Variants in ANK3 observed in about 807,000 individuals in gnomAD.
ANK3 encodes ankyrin 3, also known as ankyrin-3.
A neutral mutation model predicts 370.9 loss-of-function variants in ANK3; 57 were observed. That is an observed-to-expected ratio of 0.15 (90% CI 0.12 to 0.19). ANK3 has a LOEUF of 0.19. Ranked by LOEUF, ANK3 falls within the 10% of genes least tolerant of loss-of-function variation. ANK3 has a pLI of 1.00. For missense variants in ANK3, 4,439 were observed against 5,302.1 expected, an observed-to-expected ratio of 0.84 and a Z score of 5.06; for synonymous variants, 1,929 against 1,946.3, an observed-to-expected ratio of 0.99 and a Z score of 0.23.
chr10:60,297,729 T>A (rs1477224565), intron 1 of ANK3, among the ~76,000 whole-genome samples: 1 of 152,146 alleles, frequency 6.6e-6, no homozygotes, highest in Non-Finnish European at 1.5e-5. Context: ...TCCAAATTTA[T>A]AACCGACCTG....
At chr10:60,183,048 G>A (rs1437145442) in intron 17 of ANK3, among the ~76,000 whole-genome samples, 14 of 152,214 alleles carry the variant, frequency 9.2e-5, no homozygotes, top group Non-Finnish European at 1.8e-4. Flanking sequence ...GACTGAGAAT[G>A]TGTTGTGGGC....
At chr10:60,294,846 G>A (rs1040333967) in intron 1 of ANK3, among the ~76,000 whole-genome samples, 2 of 152,006 alleles carry the variant, frequency 1.3e-5, no homozygotes, top group Non-Finnish European at 2.9e-5. Flanking sequence ...CAACAAAAGG[G>A]CAAAATATAG....
At position 60,212,975 on chromosome 10, in the gene ANK3, G is replaced by T. The variant is rs144912331; in HGVS notation, c.996+437C>A. 3.7e-4 allele frequency among the ~76,000 whole-genome samples: 56 copies of T among 152,212 alleles called. No homozygotes were observed. The East Asian group carries it at 8.5e-3, about 23-fold the overall frequency. On this transcript the variant is annotated intron_variant, in intron 9 of 43. Coordinates refer to ENST00000280772, the MANE Select transcript of ANK3 (RefSeq NM_020987.5). ...TTCCCAAAAGCCCAATCAAGGTGCA[G>T]TCTTTCCAAAGTTTCCAGTCTTTAT... is the stretch of plus-strand genomic sequence containing the variant.
chr10:60,558,625 T>C (rs922166836), intron 2 of ANK3, among the ~76,000 whole-genome samples: 1 of 152,208 alleles, frequency 6.6e-6, no homozygotes, highest in Non-Finnish European at 1.5e-5. Flanking sequence ...TATACACTAT[T>C]ATGCTAATAT....
At chr10:60,120,117 A>G (rs2093373534) in intron 25 of ANK3, among the ~76,000 whole-genome samples, 1 of 152,188 alleles carries the variant, frequency 6.6e-6, no homozygotes, top group Non-Finnish European at 1.5e-5. Flanking sequence ...AATCAGGCAC[A>G]TAGATCAGTG....
intron 2 of ANK3, among the ~76,000 whole-genome samples, chr10:60,558,402 A>G (rs1487535150): frequency 1.3e-5 from 2 of 152,206 alleles, no homozygotes. Context: ...GTGTGTGGTC[A>G]TATAAATGGC....
At chr10:60,214,574 A>C (rs1422200090) in intron 8 of ANK3, among the ~76,000 whole-genome samples, 14 of 151,960 alleles carry the variant, frequency 9.2e-5, no homozygotes, top group Admixed American at 9.2e-4. Context: ...ATGTGTTCTC[A>C]TTGTTCATCT....
chr10:60,243,217 T>C (rs2097499004), intron 7 of ANK3, among the ~76,000 whole-genome samples: 1 of 152,194 alleles, frequency 6.6e-6, no homozygotes, highest in Admixed American at 6.5e-5. Context: ...AAAATTAGGC[T>C]AATAATAGTA....
At position 60,609,697 on chromosome 10, in the gene ANK3, C is replaced by T. The variant is rs540610869; in HGVS notation, c.96+5489G>A. 3.3e-5 allele frequency among the ~76,000 whole-genome samples: 5 copies of T among 152,220 alleles called. No homozygotes were observed. In the East Asian group the frequency reaches 9.7e-4, roughly 29 times the overall value. ...CACTGCACTGCATCAAAGAAATAAG[C>T]ATTCATGGATACCTTACCATATCAT... On this transcript the variant is annotated intron_variant, in intron 2 of 43. Coordinates refer to the ANK3 transcript ENST00000373827.
At chr10:60,317,162 T>G (rs886315600) in intron 1 of ANK3, among the ~76,000 whole-genome samples, 1 of 151,700 alleles carries the variant, frequency 6.6e-6, no homozygotes, top group African/African-American at 2.4e-5. Flanking sequence ...CTTTGTATAC[T>G]CAGAGTCCTA....
intron 7 of ANK3, among the ~76,000 whole-genome samples, chr10:60,252,145 C>T (rs1488068378): frequency 6.6e-6 from 1 of 152,194 alleles, no homozygotes; most frequent in Non-Finnish European, 1.5e-5. Context: ...CTGTGCAATC[C>T]TTCAGTTCTA....
At chr10:60,245,397 T>G (rs1380478421) in intron 7 of ANK3, among the ~76,000 whole-genome samples, 1 of 152,212 alleles carries the variant, frequency 6.6e-6, no homozygotes, top group Non-Finnish European at 1.5e-5. Flanking sequence ...TTCAGTGATT[T>G]TTTTATTCCA....
At chr10:60,555,996 T>G (rs1039449693) in intron 2 of ANK3, among the ~76,000 whole-genome samples, 4 of 152,234 alleles carry the variant, frequency 2.6e-5, no homozygotes, top group African/African-American at 9.6e-5. Context: ...ATAGCTCACC[T>G]GGTACTGCCC....
chr10:60,688,008 G>A (rs1398760915), intron 1 of ANK3, among the ~76,000 whole-genome samples: 1 of 152,136 alleles, frequency 6.6e-6, no homozygotes, highest in Non-Finnish European at 1.5e-5. Context: ...ACCTAAAATA[G>A]TGAAGTTCAT....
chr10:60,331,488 A>G (rs909327898), intron 1 of ANK3, among the ~76,000 whole-genome samples: 3 of 152,142 alleles, frequency 2.0e-5, no homozygotes, highest in African/African-American at 7.2e-5. Context: ...AAAAATTTCG[A>G]CAATGGGATT....
At chr10:60,665,127 C>T (rs1219018026) in intron 1 of ANK3, among the ~76,000 whole-genome samples, 2 of 152,128 alleles carry the variant, frequency 1.3e-5, no homozygotes, top group Non-Finnish European at 2.9e-5. Context: ...AGTAGCTTAA[C>T]GATGCGAACC....
chr10:60,395,971 A>G lies in ANK3; in HGVS notation c.97-116332T>C, dbSNP rs184507162. On this transcript the variant is annotated intron_variant, in intron 2 of 43. Coordinates refer to the ANK3 transcript ENST00000373827. ...CTTTTCGCTACCCATGAAACTTACA[A>G]TTTCACAAGTGACCCCTTGATATTC... Among the ~76,000 whole-genome samples the G allele has an allele frequency of 4.6e-5, 7 of 152,236 alleles. No homozygotes were observed. The East Asian group carries it at 9.7e-4, about 21-fold the overall frequency.
intron 28 of ANK3, among the ~76,000 whole-genome samples, chr10:60,100,608 T>C (rs2091083745): frequency 6.6e-6 from 1 of 152,210 alleles, no homozygotes; most frequent in Admixed American, 6.5e-5. Context: ...CAATCTAAAA[T>C]GTATTATCTT....
intron 40 of ANK3, chr10:60,059,684 T>G (rs898064106): frequency 6.2e-7 from 1 of 1,602,062 alleles, no homozygotes; most frequent in African/African-American, 1.3e-5. Flanking sequence ...TTCCAAGGTA[T>G]TGAGGATACT....
Sources: gnomAD v4.1 joint callset for allele counts (sites outside exome capture counted in the v4.1 genomes callset) on GRCh38, gnomAD v4.1.1 for gene constraint, MANE v1.5 for transcripts, NCBI Gene and HGNC (gene_info 2026-07-23, HGNC 2026-07-21) for gene names.